Variants in LPP observed in about 807,000 individuals in gnomAD.
LPP encodes lipoma-preferred partner.
In LPP, 38 loss-of-function variants were observed where a neutral mutation model predicts 60.4. The observed-to-expected ratio is 0.63, with a 90% CI of 0.49 to 0.83. The LOEUF (loss-of-function observed/expected upper bound fraction) is 0.83. LPP is among the 40% of genes least tolerant of loss of function. LPP has a pLI of 0.00. For synonymous variants in LPP, 328 were observed against 290.8 expected (o/e 1.13, Z -1.30); for missense variants, 902 against 783.6 (o/e 1.15, Z -1.80).
rs190659132 is a variant in LPP, at chr3:188,334,272, G to C, written c.-66-7391G>C. 2.2e-3 allele frequency among the ~76,000 whole-genome samples: 331 copies of C among 151,656 alleles called. 3 individuals are homozygous for C. In the South Asian group the frequency reaches 0.025, roughly 11 times the overall value. ...CATTTTCTTTGCCTGTTTATCTGTT[G>C]ATGGATACTTAGATTGATTCCTTAT... is the stretch of plus-strand genomic sequence containing the variant. On this transcript the variant is annotated intron_variant, in intron 2 of 11. Coordinates refer to ENST00000617246, the MANE Select transcript of LPP (RefSeq NM_001375462.1).
intron 9 of LPP, among the ~76,000 whole-genome samples, chr3:188,771,982 C>T (rs1037554987): frequency 2.6e-5 from 2 of 78,224 alleles, no homozygotes; most frequent in Non-Finnish European, 6.8e-5. Flanking sequence ...CTGGACTCCT[C>T]CCCAGAATTT....
chr3:188,369,293 GT>G lies in LPP; in HGVS notation c.-10+27587del, dbSNP rs1048288198. 4.5e-4 allele frequency among the ~76,000 whole-genome samples: 65 copies of G among 145,442 alleles called. 3 individuals carry two copies. The highest frequency in any genetic ancestry group is 3.5e-3 in the Middle Eastern group (1 of 284). On this transcript the variant is annotated intron_variant, in intron 3 of 11. Coordinates refer to ENST00000617246, the MANE Select transcript of LPP (RefSeq NM_001375462.1). ...TTGATAGGTTGGGGATCACAGGAAA[GT>G]TTTTTTTTTTTTAAATTCTCCATTA... is the stretch of plus-strand genomic sequence containing the variant.
intron 10 of LPP, among the ~76,000 whole-genome samples, chr3:188,869,630 G>A (rs1767563380): frequency 1.3e-5 from 2 of 152,210 alleles, no homozygotes; most frequent in South Asian, 2.1e-4. Flanking sequence ...AAACTTTAAT[G>A]TGCCTGTAAT....
intron 6 of LPP, among the ~76,000 whole-genome samples, chr3:188,545,310 T>C (rs1474758989): frequency 2.0e-5 from 3 of 151,310 alleles, no homozygotes; most frequent in Non-Finnish European, 3.0e-5. Context: ...TATAAAAGCC[T>C]TTAGAAAAAA....
At chr3:188,538,867 G>T (rs573688876) in intron 6 of LPP, among the ~76,000 whole-genome samples, 1 of 152,260 alleles carries the variant, frequency 6.6e-6, no homozygotes, top group South Asian at 2.1e-4. Flanking sequence ...ACGAAGCTCT[G>T]CAACATGCTA....
chr3:188,311,516 A>G (rs1010259729), intron 2 of LPP, among the ~76,000 whole-genome samples: 7 of 151,970 alleles, frequency 4.6e-5, no homozygotes, highest in African/African-American at 1.7e-4. Context: ...ACTAAACTAA[A>G]CTAAACTAAA....
chr3:188,427,180 T>C (rs1789611586), intron 4 of LPP, among the ~76,000 whole-genome samples: 1 of 152,264 alleles, frequency 6.6e-6, no homozygotes, highest in Non-Finnish European at 1.5e-5. Context: ...TTTACTTATA[T>C]GTAAAGGATT....
chr3:188,827,505 A>T (rs1037350221), intron 9 of LPP, among the ~76,000 whole-genome samples: 1 of 152,158 alleles, frequency 6.6e-6, no homozygotes, highest in African/African-American at 2.4e-5. Flanking sequence ...GAAAAGTCCT[A>T]CTCAGTTTCA....
intron 4 of LPP, among the ~76,000 whole-genome samples, chr3:188,471,829 T>C (rs1579161990): frequency 6.6e-6 from 1 of 152,170 alleles, no homozygotes; most frequent in Non-Finnish European, 1.5e-5. Context: ...TGGGAAGCAG[T>C]TGGGGACAGC....
At chr3:188,577,670 C>T (rs940215709) in intron 6 of LPP, among the ~76,000 whole-genome samples, 1 of 151,578 alleles carries the variant, frequency 6.6e-6, no homozygotes, top group Non-Finnish European at 1.5e-5. Context: ...AAATTAAAAA[C>T]TATTACATTT....
chr3:188,311,144 A>T (rs558954913), intron 2 of LPP, among the ~76,000 whole-genome samples: 1 of 147,996 alleles, frequency 6.8e-6, no homozygotes, highest in Non-Finnish European at 1.5e-5. Context: ...AGTGGCCCCA[A>T]TTTTTTTTTT....
At chr3:188,607,116 G>GACACACACACAC (rs34057522) in intron 6 of LPP, among the ~76,000 whole-genome samples, 3 of 129,562 alleles carry the variant, frequency 2.3e-5, no homozygotes, top group Non-Finnish European at 4.8e-5. Flanking sequence ...TCTTGGTGAA[G>GACACACACACAC]ACACACACAC....
intron 9 of LPP, among the ~76,000 whole-genome samples, chr3:188,817,659 C>A (rs1043283485): frequency 1.3e-5 from 2 of 152,126 alleles, no homozygotes; most frequent in Admixed American, 6.5e-5. Flanking sequence ...TGTTTGAATT[C>A]TTGAGGGCTG....
At chr3:188,528,932 CA>C (rs909122594) in intron 6 of LPP, among the ~76,000 whole-genome samples, 222 of 151,558 alleles carry the variant, frequency 1.5e-3, no homozygotes, top group African/African-American at 5.2e-3. Context: ...TTCAGAAGGT[CA>C]AAAAAAATTA....
intron 2 of LPP, among the ~76,000 whole-genome samples, chr3:188,321,055 G>A (rs1411123214): frequency 6.6e-6 from 1 of 152,204 alleles, no homozygotes; most frequent in Non-Finnish European, 1.5e-5. Context: ...CCATCACAGT[G>A]TCCTGCAGTC....
At chr3:188,467,516 C>T (rs1800780347) in intron 4 of LPP, among the ~76,000 whole-genome samples, 1 of 152,010 alleles carries the variant, frequency 6.6e-6, no homozygotes, top group Non-Finnish European at 1.5e-5. Context: ...GTCTTAATCT[C>T]TGGAACATGT....
intron 2 of LPP, among the ~76,000 whole-genome samples, chr3:188,329,062 A>G (rs554024455): frequency 1.3e-4 from 20 of 152,258 alleles, no homozygotes; most frequent in Admixed American, 3.9e-4. Flanking sequence ...ACACAGGGAA[A>G]CGGCTTCTTA....
chr3:188,305,136 C>A lies in LPP; in HGVS notation c.-66-36527C>A, dbSNP rs139998124. Among the ~76,000 whole-genome samples the A allele has an allele frequency of 8.1e-3, 1,227 of 152,170 alleles. 13 individuals are homozygous for A. Among genetic ancestry groups the A allele is most frequent in the African/African-American group, 0.028 (1,157 of 41,518 alleles). ...TGACTCTCCCAGTGGGTGATAAGTT[C>A]TTTGAAGTCAATGTACTTAAAAAAA... On this transcript the variant is annotated intron_variant, in intron 2 of 11. Coordinates refer to ENST00000617246, the MANE Select transcript of LPP (RefSeq NM_001375462.1).
At chr3:188,751,976 A>G (rs1040805236) in intron 8 of LPP, among the ~76,000 whole-genome samples, 19 of 152,104 alleles carry the variant, frequency 1.2e-4, no homozygotes, top group African/African-American at 4.6e-4. Flanking sequence ...AGACATAGGG[A>G]CCTCTATTTT....
Sources: allele counts gnomAD v4.1 joint callset (sites outside exome capture counted in the v4.1 genomes callset), GRCh38; gene constraint gnomAD v4.1.1; transcripts MANE v1.5; gene names NCBI Gene and HGNC (gene_info 2026-07-23, HGNC 2026-07-21).